MTSS2: variants seen among roughly 807,000 people sequenced by gnomAD.
MTSS2 encodes MTSS I-BAR domain containing 2, also known as protein MTSS 2.
In MTSS2, 27 loss-of-function variants were observed where a neutral mutation model predicts 67.1. That is an observed-to-expected ratio of 0.40 (90% CI 0.30 to 0.55). The LOEUF (loss-of-function observed/expected upper bound fraction) is 0.55, where lower values mean the gene tolerates loss of function less well. MTSS2 is among the 20% of genes least tolerant of loss of function. MTSS2 has a pLI of 0.43. For synonymous variants in MTSS2, 624 were observed against 468.6 expected, an observed-to-expected ratio of 1.33 and a Z score of -4.28; for missense variants, 1,171 against 1,067.8, an observed-to-expected ratio of 1.10 and a Z score of -1.35.
rs572611808 is a variant in MTSS2 at position 70,683,650 on chromosome 16, C to T, written c.69+2073G>A. Among the ~76,000 whole-genome samples the T allele has an allele frequency of 2.0e-5, 3 of 152,354 alleles. No homozygotes were observed. The South Asian group carries it at 6.2e-4, about 32-fold the overall frequency. ...ACCAGTGGGCATCTGACCTTGGCCC[C>T]CGCTCAGCCCAAGGTCAGGGCCTCC... On this transcript the variant is annotated intron_variant, in intron 1 of 14. Transcript: ENST00000338779.
chr16:70,672,888 C>A (rs371693883), intron 11 of MTSS2, among the ~76,000 whole-genome samples: 1 of 151,976 alleles, frequency 6.6e-6, no homozygotes, highest in Non-Finnish European at 1.5e-5. Flanking sequence ...TGGCTGGGCG[C>A]GGTTGCTCAC....
At chr16:70,685,459 G>A (rs2053422210) in intron 1 of MTSS2, among the ~76,000 whole-genome samples, 1 of 152,144 alleles carries the variant, frequency 6.6e-6, no homozygotes, top group Admixed American at 6.5e-5. Flanking sequence ...GGGGCGCAGG[G>A]AGCCTGCGTG....
chr16:70,671,087 G>A (rs1046527184), intron 11 of MTSS2, among the ~76,000 whole-genome samples: 8 of 151,388 alleles, frequency 5.3e-5, no homozygotes, highest in Admixed American at 1.3e-4. Context: ...TCCTGCTTAC[G>A]TTCTTGTTCT....
intron 8 of MTSS2, 78 bp downstream of exon 8, chr16:70,678,174 G>A: frequency 3.3e-6 from 5 of 1,508,292 alleles, no homozygotes; most frequent in Middle Eastern, 1.8e-4. Context: ...CTGCTGAGAA[G>A]TGACCCTTCT....
At chr16:70,681,150 T>A (rs1567507018) in intron 1 of MTSS2, 125 bp from the exon 2 acceptor site, 9 of 844,358 alleles carry the variant, frequency 1.1e-5, no homozygotes, top group South Asian at 1.8e-5. Context: ...CCCTGCCCCA[T>A]GGAGAGGGAG....
In MTSS2 at chr16:70,674,431, G is replaced by C; in HGVS notation, c.928C>G (p.Leu310Val). ...GCGGTGGTGGTGGCTGGCTGCGCCA[G>C]GCTGCGGTAGCGACAGGTGGAACTG... ...SPSSTCRYRSLAQPATTTARL... is the reference protein window; with the variant it reads ...SPSSTCRYRSVAQPATTTARL... The change falls in exon 11 of 15, where the codon CTG (leucine) becomes GTG (valine). Residue 310 changes from leucine to valine, a missense_variant. By Grantham distance (32) the Leu-to-Val change is conservative (BLOSUM62 1). Transcript: ENST00000338779. The C allele has an allele frequency of 6.2e-7, 1 of 1,614,206 alleles. No individual in the cohort carries two copies. Among genetic ancestry groups the C allele is most frequent in the Non-Finnish European group, 8.5e-7 (1 of 1,180,030 alleles).
intron 11 of MTSS2, among the ~76,000 whole-genome samples, chr16:70,669,768 GATC>G (rs2052858214): frequency 6.7e-6 from 1 of 148,700 alleles, no homozygotes; most frequent in Non-Finnish European, 1.5e-5. Flanking sequence ...AGTGAGCTGA[GATC>G]ATGCCACTGC....
chr16:70,664,482 C>G lies in MTSS2; in HGVS notation c.1472-33G>C, dbSNP rs199922369. On this transcript the variant is annotated intron_variant, in intron 14 of 14. Coordinates refer to ENST00000338779, the MANE Select transcript of MTSS2 (RefSeq NM_138383.3). ...CACGGGACACAGTGAGGCCCAGGGC[C>G]CAGGTGGCCCCTTGCCCCCAGCCCA... The G allele has an allele frequency of 5.8e-6, 9 of 1,540,746 alleles. No individual in the cohort carries two copies. The Admixed American group carries it at 1.7e-4, about 29-fold the overall frequency.
chr16:70,665,411 C>T (rs567390248), intron 12 of MTSS2, 55 bp downstream of exon 12: 1 of 1,501,874 alleles, frequency 6.7e-7, no homozygotes, highest in South Asian at 1.2e-5. Context: ...GTGGGGAGGG[C>T]ATGGATGGGA....
rs1386676598 is a variant in MTSS2, at chr16:70,665,442, T to C, written c.1128+24A>G. ...TGGGAGGGGCAGCTGGTGACTGTCC[T>C]GGGGCCGGGCTGGGAGCACTGACCG... On this transcript the variant is annotated intron_variant, in intron 12 of 14. Transcript: ENST00000338779. The C allele has an allele frequency of 5.8e-6, 9 of 1,546,548 alleles. No homozygotes were observed. The South Asian group carries it at 1.1e-4, about 18-fold the overall frequency.
chr16:70,663,453 G>A lies in MTSS2; in HGVS notation c.*224C>T, dbSNP rs913852167. ...GACCGAAGAGCATAAAACAGACCCC[G>A]AACCAGGCCCAGGCCTGCAGGCTCC... On this transcript the variant is annotated 3_prime_UTR_variant, in exon 15 of 15. Transcript: ENST00000338779. The A allele has an allele frequency of 3.4e-5, 27 of 799,412 alleles. No homozygotes were observed. Among genetic ancestry groups the A allele is most frequent in the Non-Finnish European group, 4.1e-5 (22 of 536,688 alleles). The allele number at this position is 799,412 out of a possible 1,614,324, so 49.5% of individuals were successfully genotyped here.
rs1242239076 is a variant in MTSS2, at chr16:70,680,398, G to A, written c.206-343C>T. 3.3e-5 allele frequency among the ~76,000 whole-genome samples: 5 copies of A among 152,292 alleles called. No individual in the cohort carries two copies. In the East Asian group the frequency reaches 7.7e-4, roughly 24 times the overall value. On this transcript the variant is annotated intron_variant, in intron 3 of 14. Coordinates refer to ENST00000338779, the MANE Select transcript of MTSS2 (RefSeq NM_138383.3). ...GAGCACGCCCAGGGCCCGAAGGAGC[G>A]GGAGCCCCAGGTCTCTGCCACTCGG... is the stretch of plus-strand genomic sequence containing the variant.
intron 1 of MTSS2, among the ~76,000 whole-genome samples, chr16:70,683,928 C>T (rs1304914822): frequency 1.3e-5 from 2 of 152,234 alleles, no homozygotes; most frequent in Non-Finnish European, 2.9e-5. Context: ...TAGGTAGGGG[C>T]GAATCTGTCC....
intron 1 of MTSS2, among the ~76,000 whole-genome samples, chr16:70,681,383 G>A (rs2142916914): frequency 6.6e-6 from 1 of 152,380 alleles, no homozygotes; most frequent in Admixed American, 6.5e-5. Context: ...GGGGATCTGG[G>A]CTGAGCCCAA....
At chr16:70,683,977 C>T (rs1327124788) in intron 1 of MTSS2, among the ~76,000 whole-genome samples, 2 of 152,250 alleles carry the variant, frequency 1.3e-5, no homozygotes, top group African/African-American at 4.8e-5. Flanking sequence ...TGTTTTGCCT[C>T]CACATGTCAG....
Position 70,677,644 on chromosome 16 carries a change from T to G in MTSS2, c.732+148A>C, listed in dbSNP as rs191796405. Reference sequence around the variant, plus strand: ...CCTGGGCAGGTGCTCCGGGATGGCCTGCAGTGGGTGTCAGAAGGGGTCTGG... The same window carrying G: ...CCTGGGCAGGTGCTCCGGGATGGCCGGCAGTGGGTGTCAGAAGGGGTCTGG... On this transcript the variant is annotated intron_variant, in intron 9 of 14. Transcript: ENST00000338779. 377 of 633,936 alleles carry G rather than the reference T, an allele frequency of 5.9e-4. 4 individuals are homozygous for G. In the East Asian group the frequency reaches 0.01, roughly 17 times the overall value. The allele number at this position is 633,936 out of a possible 1,614,324, so 39.3% of individuals were successfully genotyped here.
intron 10 of MTSS2, among the ~76,000 whole-genome samples, chr16:70,676,577 G>A (rs2053122331): frequency 6.6e-6 from 1 of 152,186 alleles, no homozygotes; most frequent in South Asian, 2.1e-4. Context: ...TGATACAGCA[G>A]TGTTAGGATT....
chr16:70,676,822 T>A, intron 10 of MTSS2, 59 bp downstream of exon 10: 1 of 1,457,788 alleles, frequency 6.9e-7, no homozygotes, highest in South Asian at 1.2e-5. Context: ...GCTGGGAACA[T>A]CCCCACTTCC....
At chr16:70,685,154 G>A (rs891909259) in intron 1 of MTSS2, among the ~76,000 whole-genome samples, 21 of 151,760 alleles carry the variant, frequency 1.4e-4, no homozygotes, top group African/African-American at 4.8e-4. Context: ...TGGGATGCAG[G>A]GACATTCAGC....
Sources: gnomAD v4.1 joint callset for allele counts (sites outside exome capture counted in the v4.1 genomes callset) on GRCh38, gnomAD v4.1.1 for gene constraint, MANE v1.5 for transcripts, NCBI Gene and HGNC (gene_info 2026-07-23, HGNC 2026-07-21) for gene names.